PCCA: variants seen among roughly 807,000 people sequenced by gnomAD.
PCCA encodes propionyl-CoA carboxylase alpha chain, mitochondrial.
In PCCA, 74 loss-of-function variants were observed where a neutral mutation model predicts 101.3. That is an observed-to-expected ratio of 0.73 (90% CI 0.61 to 0.89). The LOEUF (loss-of-function observed/expected upper bound fraction) is 0.89, where lower values mean the gene tolerates loss of function less well. Among genes scored for constraint, PCCA ranks in the 40% least tolerant of loss-of-function variants. PCCA has a pLI of 0.00. For missense variants in PCCA, 891 were observed against 907.0 expected, an observed-to-expected ratio of 0.98 and a Z score of 0.23; for synonymous variants, 294 against 313.6, an observed-to-expected ratio of 0.94 and a Z score of 0.66.
Position 100,102,789 on chromosome 13 carries a change from C to G in PCCA, c.106-94C>G, listed in dbSNP as rs1320777475. 4 of 800,474 alleles carry G rather than the reference C, an allele frequency of 5.0e-6. No homozygotes were observed. The Admixed American group carries it at 7.3e-5, about 15-fold the overall frequency. 49.6% of individuals were successfully genotyped at this position (800,474 alleles called of 1,614,324 possible). On this transcript the variant is annotated intron_variant, in intron 1 of 23. Coordinates refer to ENST00000376285, the MANE Select transcript of PCCA (RefSeq NM_000282.4). Reference sequence around the variant, plus strand: ...TAGAACTACATTTATTGATCAGACACGTTCGCTAGAACCTAACTGGAAGAA... The same window carrying G: ...TAGAACTACATTTATTGATCAGACAGGTTCGCTAGAACCTAACTGGAAGAA...
intron 12 of PCCA, among the ~76,000 whole-genome samples, chr13:100,281,840 G>T (rs2064144058): frequency 6.6e-6 from 1 of 152,020 alleles, no homozygotes; most frequent in Admixed American, 6.6e-5. Context: ...CCAGTATTTT[G>T]CTATCCCAAA....
intron 19 of PCCA, among the ~76,000 whole-genome samples, chr13:100,381,751 C>T (rs1013935787): frequency 5.3e-5 from 8 of 152,154 alleles, no homozygotes; most frequent in South Asian, 2.1e-4. Flanking sequence ...GCGAAGGAGG[C>T]GGGAACTGTA....
chr13:100,476,625 T>C (rs2152961831), intron 21 of PCCA, among the ~76,000 whole-genome samples: 1 of 152,352 alleles, frequency 6.6e-6, no homozygotes, highest in Non-Finnish European at 1.5e-5. Flanking sequence ...GATAGGTACA[T>C]ATTTTGTGGT....
intron 4 of PCCA, among the ~76,000 whole-genome samples, chr13:100,151,647 T>A (rs573452541): frequency 6.6e-6 from 1 of 152,088 alleles, no homozygotes; most frequent in Admixed American, 6.5e-5. Context: ...CCTAAATGCT[T>A]GATGGGAAAG....
At chr13:100,429,405 T>C (rs1435881952) in intron 20 of PCCA, among the ~76,000 whole-genome samples, 1 of 152,082 alleles carries the variant, frequency 6.6e-6, no homozygotes, top group East Asian at 1.9e-4. Context: ...GATTTTACAG[T>C]AATCACTTGA....
At chr13:100,324,478 G>A (rs1350288425) in intron 16 of PCCA, among the ~76,000 whole-genome samples, 2 of 151,800 alleles carry the variant, frequency 1.3e-5, no homozygotes, top group African/African-American at 4.8e-5. Flanking sequence ...CTATAGCCTC[G>A]AAGTACCAAA....
At chr13:100,481,957 A>G (rs1277754999) in intron 21 of PCCA, among the ~76,000 whole-genome samples, 1 of 152,226 alleles carries the variant, frequency 6.6e-6, no homozygotes, top group Non-Finnish European at 1.5e-5. Context: ...ATTCAAAACC[A>G]TAAATTTGCA....
intron 19 of PCCA, among the ~76,000 whole-genome samples, chr13:100,408,507 C>T (rs929874511): frequency 1.3e-5 from 2 of 152,166 alleles, no homozygotes; most frequent in African/African-American, 4.8e-5. Context: ...AAGTGCTTGT[C>T]TTTGTTTAGG....
intron 8 of PCCA, among the ~76,000 whole-genome samples, chr13:100,241,220 ACT>A (rs946834290): frequency 4.0e-5 from 6 of 151,710 alleles, no homozygotes; most frequent in Non-Finnish European, 8.8e-5. Context: ...CCCCAAAGAA[ACT>A]CTGTACTCAT....
intron 18 of PCCA, among the ~76,000 whole-genome samples, chr13:100,358,110 TG>T (rs1286089809): frequency 6.6e-6 from 1 of 152,206 alleles, no homozygotes; most frequent in African/African-American, 2.4e-5. Context: ...GACCATGCCT[TG>T]GGAGAAAAGA....
At chr13:100,169,601 C>G (rs371622792) in intron 6 of PCCA, among the ~76,000 whole-genome samples, 1 of 151,924 alleles carries the variant, frequency 6.6e-6, no homozygotes, top group East Asian at 1.9e-4. Flanking sequence ...GATCTTGGCT[C>G]ACTGCAATCT....
intron 19 of PCCA, among the ~76,000 whole-genome samples, chr13:100,374,349 G>A (rs1455966181): frequency 6.6e-6 from 1 of 152,116 alleles, no homozygotes; most frequent in Non-Finnish European, 1.5e-5. Context: ...TTGTCATGGT[G>A]ATAAGCCGAA....
chr13:100,172,408 A>G (rs1360494987), intron 6 of PCCA, among the ~76,000 whole-genome samples: 3 of 152,116 alleles, frequency 2.0e-5, no homozygotes, highest in African/African-American at 7.2e-5. Flanking sequence ...TCATAAATTG[A>G]TTTTTAAAAA....
intron 20 of PCCA, among the ~76,000 whole-genome samples, chr13:100,444,808 G>A (rs1301955562): frequency 6.6e-6 from 1 of 152,078 alleles, no homozygotes; most frequent in Non-Finnish European, 1.5e-5. Flanking sequence ...TTATAGGTGT[G>A]AGCCACCGTT....
intron 9 of PCCA, among the ~76,000 whole-genome samples, chr13:100,258,216 T>A (rs2062208489): frequency 6.6e-6 from 1 of 152,236 alleles, no homozygotes; most frequent in Admixed American, 6.5e-5. Flanking sequence ...TAATTTAGAA[T>A]ACTTTTTATG....
chr13:100,460,159 A>G (rs1220427791), intron 21 of PCCA, among the ~76,000 whole-genome samples: 1 of 152,174 alleles, frequency 6.6e-6, no homozygotes, highest in Non-Finnish European at 1.5e-5. Context: ...TTTTGTTTGC[A>G]TGTTTTGGTG....
intron 20 of PCCA, among the ~76,000 whole-genome samples, chr13:100,443,600 T>C (rs757237700): frequency 2.6e-5 from 4 of 152,202 alleles, no homozygotes; most frequent in Non-Finnish European, 4.4e-5. Flanking sequence ...TTTTGTCGTA[T>C]GAAGCTGAAT....
At chr13:100,437,120 C>A (rs973518615) in intron 20 of PCCA, among the ~76,000 whole-genome samples, 3 of 152,162 alleles carry the variant, frequency 2.0e-5, no homozygotes, top group African/African-American at 7.2e-5. Flanking sequence ...AAGGGTCTGC[C>A]TCCTGCTATT....
chr13:100,342,288 G>C (rs1300350292), intron 18 of PCCA, among the ~76,000 whole-genome samples: 2 of 151,976 alleles, frequency 1.3e-5, no homozygotes, highest in Non-Finnish European at 2.9e-5. Context: ...TTTTGAGACA[G>C]AGTCTTGCTC....
Sources: gnomAD v4.1 joint callset for allele counts (sites outside exome capture counted in the v4.1 genomes callset) on GRCh38, gnomAD v4.1.1 for gene constraint, MANE v1.5 for transcripts, NCBI Gene and HGNC (gene_info 2026-07-23, HGNC 2026-07-21) for gene names.